Variants in ME1 observed in about 807,000 individuals in gnomAD.
ME1 encodes the protein malic enzyme 1.
In ME1, 74 loss-of-function variants were observed where a neutral mutation model predicts 66.4. The observed-to-expected ratio is 1.11, with a 90% CI of 0.92 to 1.35. The LOEUF (loss-of-function observed/expected upper bound fraction) is 1.35, where lower values mean the gene tolerates loss of function less well. ME1 is among the 40% of genes most tolerant of loss of function. ME1 has a pLI of 0.00. For missense variants in ME1, 750 were observed against 694.1 expected (o/e 1.08, Z -0.90); for synonymous variants, 251 against 235.6 (o/e 1.07, Z -0.60).
At chr6:83,229,088 TTCATTC>T in intron 9 of ME1, 157 bp from the exon 10 acceptor site, 1 of 625,906 alleles carries the variant, frequency 1.6e-6, no homozygotes, top group Non-Finnish European at 2.8e-6. Flanking sequence ...AGAATGTTAT[TTCATTC>T]ATTCGTTTAA....
chr6:83,252,325 G>A (rs1324305138), intron 7 of ME1, among the ~76,000 whole-genome samples: 1 of 151,876 alleles, frequency 6.6e-6, no homozygotes. Context: ...ACAGGGCCTG[G>A]CTCTGTCACA....
At chr6:83,393,323 T>A (rs1769662065) in intron 3 of ME1, 1 of 1,223,756 alleles carries the variant, frequency 8.2e-7, no homozygotes, top group Admixed American at 1.8e-5. Flanking sequence ...GACCACTTTG[T>A]CAAGCTCATT....
intron 9 of ME1, 57 bp from the exon 10 acceptor site, chr6:83,228,988 A>C (rs1790250684): frequency 2.7e-6 from 3 of 1,119,964 alleles, no homozygotes; most frequent in Non-Finnish European, 2.7e-6. Flanking sequence ...AGGGTCAATA[A>C]ATTTCGGTAC....
At chr6:83,421,072 T>A (rs1357480867) in intron 1 of ME1, among the ~76,000 whole-genome samples, 4 of 152,110 alleles carry the variant, frequency 2.6e-5, no homozygotes, top group African/African-American at 9.7e-5. Flanking sequence ...ATTCTGAACG[T>A]CGAACTTGCT....
chr6:83,418,877 T>C (rs1470141357), intron 1 of ME1, among the ~76,000 whole-genome samples: 1 of 151,244 alleles, frequency 6.6e-6, no homozygotes, highest in African/African-American at 2.5e-5. Flanking sequence ...CACTGAGGAG[T>C]AATGTCAAAA....
chr6:83,323,504 A>C (rs1208632652), intron 5 of ME1, among the ~76,000 whole-genome samples: 1 of 125,608 alleles, frequency 8.0e-6, no homozygotes. Flanking sequence ...ACAAACAAAC[A>C]AAAAACAAAA....
At chr6:83,408,011 C>A (rs192806493) in intron 1 of ME1, 110 bp from the exon 2 acceptor site, 1 of 1,274,766 alleles carries the variant, frequency 7.8e-7, no homozygotes. Flanking sequence ...CCGAAGTCTG[C>A]GTCACTGGAA....
At chr6:83,333,226 T>C (rs1768450635) in intron 5 of ME1, among the ~76,000 whole-genome samples, 1 of 152,222 alleles carries the variant, frequency 6.6e-6, no homozygotes, top group East Asian at 1.9e-4. Context: ...TATCAAGCAG[T>C]TTCTATATTT....
chr6:83,416,975 G>T (rs1483303351), intron 1 of ME1, among the ~76,000 whole-genome samples: 1 of 151,794 alleles, frequency 6.6e-6, no homozygotes, highest in Non-Finnish European at 1.5e-5. Flanking sequence ...TACATCTGTG[G>T]CATGTATCTG....
At chr6:83,333,584 GTTACAATA>G (rs1401953354) in intron 5 of ME1, among the ~76,000 whole-genome samples, 2 of 152,110 alleles carry the variant, frequency 1.3e-5, no homozygotes, top group African/African-American at 4.8e-5. Flanking sequence ...TGTTTTACAG[GTTACAATA>G]TTACTAACAT....
intron 5 of ME1, among the ~76,000 whole-genome samples, chr6:83,324,699 A>T (rs951995363): frequency 7.4e-6 from 1 of 135,052 alleles, no homozygotes; most frequent in Non-Finnish European, 1.6e-5. Context: ...TGTGGTATTA[A>T]TTAATAGCCT....
At chr6:83,404,655 C>T (rs140362037) in intron 2 of ME1, among the ~76,000 whole-genome samples, 186 of 152,266 alleles carry the variant, frequency 1.2e-3, no homozygotes, top group African/African-American at 4.2e-3. Context: ...ACGTTTAAAT[C>T]GTTAATCCAT....
intron 6 of ME1, among the ~76,000 whole-genome samples, chr6:83,306,355 T>C (rs1379995070): frequency 1.3e-5 from 2 of 151,998 alleles, no homozygotes; most frequent in African/African-American, 2.4e-5. Flanking sequence ...TTATCTTTAA[T>C]AATCTAATTT....
chr6:83,412,236 CA>C (rs546261123), intron 1 of ME1, among the ~76,000 whole-genome samples: 25 of 147,468 alleles, frequency 1.7e-4, no homozygotes, highest in Non-Finnish European at 2.2e-4. Flanking sequence ...AGCTGAATTG[CA>C]AAAAAAAAGG....
intron 3 of ME1, among the ~76,000 whole-genome samples, chr6:83,397,592 C>A (rs908569146): frequency 2.6e-5 from 4 of 152,090 alleles, no homozygotes; most frequent in African/African-American, 9.7e-5. Context: ...AAGAATAGAA[C>A]TACCAAATGA....
intron 5 of ME1, among the ~76,000 whole-genome samples, chr6:83,326,210 C>A (rs1008882474): frequency 6.6e-6 from 1 of 152,020 alleles, no homozygotes; most frequent in South Asian, 2.1e-4. Context: ...AAACTGGACC[C>A]CTTTCCTTAC....
At chr6:83,400,072 TG>T (rs1163625615) in intron 2 of ME1, among the ~76,000 whole-genome samples, 1 of 152,226 alleles carries the variant, frequency 6.6e-6, no homozygotes, top group Non-Finnish European at 1.5e-5. Context: ...CATATTCTCA[TG>T]GTTTTCCTCC....
At chr6:83,313,872 A>G (rs1307066607) in intron 6 of ME1, among the ~76,000 whole-genome samples, 7 of 152,196 alleles carry the variant, frequency 4.6e-5, no homozygotes, top group African/African-American at 1.7e-4. Context: ...CTAATTGGCA[A>G]ATGTACCCAG....
intron 6 of ME1, among the ~76,000 whole-genome samples, chr6:83,298,625 C>T (rs1767648657): frequency 6.6e-6 from 1 of 152,086 alleles, no homozygotes; most frequent in South Asian, 2.1e-4. Context: ...ATGTTTCTGT[C>T]ATGAAATCTT....
Sources: gnomAD v4.1 joint callset for allele counts (sites outside exome capture counted in the v4.1 genomes callset) on GRCh38, gnomAD v4.1.1 for gene constraint, MANE v1.5 for transcripts, NCBI Gene and HGNC (gene_info 2026-07-23, HGNC 2026-07-21) for gene names.